The following NFATC1 variants were observed in gnomAD, a reference collection of about 807,000 sequenced individuals.
The protein encoded by NFATC1 is nuclear factor of activated T cells 1.
NFATC1 carries 22 observed loss-of-function variants against 76.0 expected under a neutral mutation model. The ratio of observed to expected loss-of-function variants is 0.29; its 90% CI spans 0.21 to 0.41. The LOEUF is 0.41. Among genes scored for constraint, NFATC1 ranks in the 10% least tolerant of loss-of-function variants. The pLI, the probability that NFATC1 is intolerant of heterozygous loss-of-function variation, is 1.00. For missense variants in NFATC1, 1,357 were observed against 1,337.7 expected (o/e 1.01, Z -0.23); for synonymous variants, 704 against 613.1 (o/e 1.15, Z -2.19).
chr18:79,440,428 G>T (rs1022285547), intron 3 of NFATC1, among the ~76,000 whole-genome samples: 1 of 152,230 alleles, frequency 6.6e-6, no homozygotes, highest in Non-Finnish European at 1.5e-5. Context: ...ATGAGAAGCG[G>T]CCATCTGCAG....
At chr18:79,403,987 T>C (rs1040902907) in intron 1 of NFATC1, among the ~76,000 whole-genome samples, 2 of 152,240 alleles carry the variant, frequency 1.3e-5, no homozygotes, top group African/African-American at 4.8e-5. Context: ...GCTCATCCCC[T>C]GACGTTCTAG....
chr18:79,522,922 C>G (rs958744834), intron 9 of NFATC1, among the ~76,000 whole-genome samples: 1 of 152,230 alleles, frequency 6.6e-6, no homozygotes, highest in Non-Finnish European at 1.5e-5. Context: ...AGGCCGCCAT[C>G]TGGGAGGATC....
Position 79,523,359 on chromosome 18 carries a change from G to A in NFATC1, c.2783-4169G>A, listed in dbSNP as rs56814062. ...CAGCATAGAGAAACAAAACTCCTGC[G>A]TGAAACTTAAGAGGTGAACTTTGGG... On this transcript the variant is annotated intron_variant, in intron 9 of 9. Coordinates refer to ENST00000427363, the MANE Select transcript of NFATC1 (RefSeq NM_001278669.2). 4.3e-3 allele frequency among the ~76,000 whole-genome samples: 651 copies of A among 152,352 alleles called. 3 individuals carry two copies. The highest frequency in any genetic ancestry group is 0.013 in the African/African-American group (553 of 41,580).
chr18:79,456,342 C>T (rs996452508), intron 6 of NFATC1, among the ~76,000 whole-genome samples: 4 of 152,240 alleles, frequency 2.6e-5, no homozygotes, highest in East Asian at 1.9e-4. Context: ...CCCTCCTGTC[C>T]GCCCAGAGAG....
intron 9 of NFATC1, among the ~76,000 whole-genome samples, chr18:79,503,756 C>T (rs1017756002): frequency 1.3e-5 from 2 of 152,200 alleles, no homozygotes; most frequent in Admixed American, 1.3e-4. Flanking sequence ...ACGGCATCTC[C>T]AATAGAAGGC....
intron 7 of NFATC1, 110 bp from the exon 8 acceptor site, chr18:79,467,340 G>T (rs987161904): frequency 1.3e-4 from 137 of 1,091,628 alleles, no homozygotes; most frequent in Non-Finnish European, 1.5e-4. Flanking sequence ...GAAACGCGGG[G>T]TTGCCGTGTG....
chr18:79,491,826 GA>G (rs1192172296), intron 9 of NFATC1, among the ~76,000 whole-genome samples: 2 of 152,056 alleles, frequency 1.3e-5, no homozygotes, highest in African/African-American at 2.4e-5. Flanking sequence ...TGGGGCCGGG[GA>G]CTCAGCCCCG....
chr18:79,486,215 G>A (rs1476064844), intron 8 of NFATC1, 33 bp from the exon 9 acceptor site: 2 of 1,579,622 alleles, frequency 1.3e-6, no homozygotes, highest in East Asian at 4.5e-5. Context: ...TTCGCAACTT[G>A]TGTTTATTTA....
chr18:79,445,058 C>T (rs1183394022), intron 3 of NFATC1, among the ~76,000 whole-genome samples: 2 of 152,264 alleles, frequency 1.3e-5, no homozygotes, highest in Non-Finnish European at 2.9e-5. Context: ...TGTCCTGGTC[C>T]TCCACCCGTT....
intron 7 of NFATC1, among the ~76,000 whole-genome samples, chr18:79,464,572 C>G (rs867212949): frequency 5.9e-4 from 87 of 148,482 alleles, no homozygotes; most frequent in African/African-American, 1.4e-3. Context: ...CGTCCTGCTC[C>G]ATTTGCTGCT....
chr18:79,406,113 G>T (rs576348700), intron 1 of NFATC1, among the ~76,000 whole-genome samples: 2 of 152,328 alleles, frequency 1.3e-5, no homozygotes, highest in East Asian at 3.9e-4. Context: ...CCAGTTCAGG[G>T]CTGAGTCCTG....
At chr18:79,401,021 G>C (rs1193558513) in intron 1 of NFATC1, among the ~76,000 whole-genome samples, 1 of 71,182 alleles carries the variant, frequency 1.4e-5, no homozygotes, top group Admixed American at 2.1e-4. Context: ...AAGTTTACCC[G>C]GAGCTACCAT....
intron 3 of NFATC1, among the ~76,000 whole-genome samples, chr18:79,440,621 G>A (rs118083295): frequency 2.2e-4 from 34 of 152,330 alleles, no homozygotes; most frequent in Non-Finnish European, 4.3e-4. Context: ...CCGTTTCTCC[G>A]AGGACCTGGG....
At chr18:79,499,619 C>A (rs432328) in intron 9 of NFATC1, among the ~76,000 whole-genome samples, 3 of 151,976 alleles carry the variant, frequency 2.0e-5, no homozygotes, top group Non-Finnish European at 4.4e-5. Flanking sequence ...CAGGGTACAA[C>A]CATATGCTGT....
intron 1 of NFATC1, among the ~76,000 whole-genome samples, chr18:79,401,489 A>G (rs1275924830): frequency 6.6e-6 from 1 of 152,198 alleles, no homozygotes; most frequent in Non-Finnish European, 1.5e-5. Context: ...CTTTGGGGTC[A>G]GTGGGAGCCA....
intron 9 of NFATC1, among the ~76,000 whole-genome samples, chr18:79,500,856 A>G (rs1434519086): frequency 1.3e-5 from 2 of 152,192 alleles, no homozygotes; most frequent in African/African-American, 2.4e-5. Context: ...ATAATTTAAC[A>G]TATTCTCACA....
intron 7 of NFATC1, among the ~76,000 whole-genome samples, 156 bp from the exon 8 acceptor site, chr18:79,467,294 G>A (rs1382961112): frequency 1.5e-5 from 2 of 134,768 alleles, no homozygotes; most frequent in African/African-American, 7.2e-5. Context: ...GTCCTGTGCT[G>A]CCGTGGAAAC....
intron 8 of NFATC1, among the ~76,000 whole-genome samples, chr18:79,480,003 G>A (rs965591031): frequency 2.0e-5 from 3 of 152,216 alleles, no homozygotes; most frequent in Non-Finnish European, 2.9e-5. Context: ...AGCCCAGGGA[G>A]GGGCACTGTG....
At position 79,411,508 on chromosome 18, in the gene NFATC1, CG is replaced by C; in HGVS notation, c.1226+9del. 1 of 1,472,670 alleles carries C rather than the reference CG, an allele frequency of 6.8e-7. No homozygotes were observed. The highest frequency in any genetic ancestry group is 9.0e-7 in the Non-Finnish European group (1 of 1,113,446). 91.2% of individuals were successfully genotyped at this position (1,472,670 alleles called of 1,614,324 possible). A position where few individuals can be genotyped will look rare whatever the true frequency, so the allele number is the denominator to read the frequency against. On this transcript the variant is annotated splice_region_variant and intron_variant, in intron 2 of 9. Transcript: ENST00000427363. The stretch of plus-strand genomic sequence containing the variant: ...CCCCTACGTCCTACATGAGGTGAGC[CG>C]GCAGCGCGGGGCGGGACGGGGAGGC...
Sources: allele counts gnomAD v4.1 joint callset (sites outside exome capture counted in the v4.1 genomes callset), GRCh38; gene constraint gnomAD v4.1.1; transcripts MANE v1.5; gene names NCBI Gene and HGNC (gene_info 2026-07-23, HGNC 2026-07-21).